The following KALRN variants were observed in gnomAD, a reference collection of about 807,000 sequenced individuals.
The protein encoded by KALRN is kalirin.
Under a neutral mutation model 353.7 loss-of-function variants are expected in KALRN, and 70 were observed. The observed-to-expected ratio is 0.20, with a 90% CI of 0.16 to 0.24. The LOEUF (loss-of-function observed/expected upper bound fraction) is 0.24, where lower values mean the gene tolerates loss of function less well. Among genes scored for constraint, KALRN ranks in the 10% least tolerant of loss-of-function variants. KALRN has a pLI of 1.00. For missense variants in KALRN, 2,791 were observed against 3,756.7 expected (o/e 0.74, Z 6.72); for synonymous variants, 1,391 against 1,434.8 (o/e 0.97, Z 0.69).
At chr3:124,535,415 C>T (rs905319244) in intron 33 of KALRN, among the ~76,000 whole-genome samples, 1 of 152,256 alleles carries the variant, frequency 6.6e-6, no homozygotes, top group Admixed American at 6.5e-5. Context: ...CTTAAGTTTT[C>T]CAAGAGTGCT....
intron 1 of KALRN, among the ~76,000 whole-genome samples, chr3:124,108,455 G>A (rs1021960813): frequency 6.6e-6 from 1 of 152,176 alleles, no homozygotes; most frequent in Admixed American, 6.5e-5. Context: ...GTAGTCATTA[G>A]TACCATTCAT....
intron 51 of KALRN, among the ~76,000 whole-genome samples, chr3:124,688,310 CAAAAAAAA>C (rs59265829): frequency 1.2e-5 from 1 of 83,230 alleles, no homozygotes; most frequent in African/African-American, 4.4e-5. Context: ...GAGACCCTGT[CAAAAAAAA>C]AAAAAAAAAA....
intron 1 of KALRN, among the ~76,000 whole-genome samples, chr3:124,134,510 CAAAGAT>C (rs1342282087): frequency 6.6e-6 from 1 of 152,126 alleles, no homozygotes; most frequent in Non-Finnish European, 1.5e-5. Flanking sequence ...GCAATAAAAA[CAAAGAT>C]AAATATCTGG....
At chr3:124,267,156 G>T (rs2073655427) in intron 4 of KALRN, among the ~76,000 whole-genome samples, 2 of 152,194 alleles carry the variant, frequency 1.3e-5, no homozygotes, top group South Asian at 4.1e-4. Flanking sequence ...ACAGAGATGA[G>T]AGTATAAGCT....
chr3:124,244,233 T>G (rs1434066453), intron 3 of KALRN, among the ~76,000 whole-genome samples: 1 of 152,106 alleles, frequency 6.6e-6, no homozygotes, highest in African/African-American at 2.4e-5. Context: ...CTTCCTATCT[T>G]TTTTTAGAGG....
At chr3:124,659,909 A>T in intron 43 of KALRN, among the ~76,000 whole-genome samples, 1 of 148,558 alleles carries the variant, frequency 6.7e-6, no homozygotes, top group Middle Eastern at 3.6e-3. Context: ...TTTATATATA[A>T]TCAATATATA....
chr3:124,309,450 A>G (rs111357017), intron 6 of KALRN, among the ~76,000 whole-genome samples: 6,669 of 152,268 alleles, frequency 0.044, 201 homozygotes, highest in Middle Eastern at 0.078. Context: ...AGTCCCAGCT[A>G]CTTGTGAGGC....
chr3:124,356,731 GCT>G (rs2083460955), intron 10 of KALRN, among the ~76,000 whole-genome samples: 1 of 152,096 alleles, frequency 6.6e-6, no homozygotes, highest in South Asian at 2.1e-4. Context: ...TTGACATCGT[GCT>G]CTGTTGGTTT....
At chr3:124,219,856 T>C (rs571293077) in intron 1 of KALRN, among the ~76,000 whole-genome samples, 18 of 151,724 alleles carry the variant, frequency 1.2e-4, no homozygotes, top group Non-Finnish European at 2.5e-4. Context: ...GTTGCTGACA[T>C]AAAGCTGCCC....
chr3:124,495,965 G>GTGTGTATA (rs1239001137), intron 32 of KALRN, among the ~76,000 whole-genome samples: 2 of 41,478 alleles, frequency 4.8e-5, no homozygotes, highest in Admixed American at 3.1e-4. Context: ...GTGTATGTAT[G>GTGTGTATA]TATATATATA....
At chr3:124,421,635 T>C (rs904034582) in intron 14 of KALRN, among the ~76,000 whole-genome samples, 1 of 152,180 alleles carries the variant, frequency 6.6e-6, no homozygotes, top group Admixed American at 6.5e-5. Flanking sequence ...TAGTACACTT[T>C]CGGGTAGTCT....
intron 33 of KALRN, among the ~76,000 whole-genome samples, chr3:124,550,472 C>T (rs2070342120): frequency 6.6e-6 from 1 of 152,142 alleles, no homozygotes. Flanking sequence ...ATATGTGCCA[C>T]CTACTGTATG....
At chr3:124,684,254 CT>C (rs1559845064) in intron 51 of KALRN, among the ~76,000 whole-genome samples, 1 of 152,088 alleles carries the variant, frequency 6.6e-6, no homozygotes, top group South Asian at 2.1e-4. Context: ...ATTCCCCCAC[CT>C]ACACCATCCT....
chr3:124,545,931 A>G (rs1225744363), intron 33 of KALRN, among the ~76,000 whole-genome samples: 7 of 152,188 alleles, frequency 4.6e-5, no homozygotes, highest in Admixed American at 3.9e-4. Context: ...AAAGAGATGC[A>G]TTATGGTTGA....
chr3:124,316,989 C>T (rs1161349448), intron 6 of KALRN, among the ~76,000 whole-genome samples: 8 of 152,190 alleles, frequency 5.3e-5, no homozygotes, highest in Non-Finnish European at 1.2e-4. Flanking sequence ...GGGCAGCTGG[C>T]TTCAGATTTA....
At chr3:124,340,854 G>A (rs974681259) in intron 9 of KALRN, among the ~76,000 whole-genome samples, 11 of 152,164 alleles carry the variant, frequency 7.2e-5, no homozygotes, top group Non-Finnish European at 1.0e-4. Context: ...TACTCAGGAG[G>A]CTGAGGCAGG....
intron 32 of KALRN, among the ~76,000 whole-genome samples, chr3:124,495,729 TAAAAAAAA>T (rs1170201040): frequency 6.6e-4 from 45 of 68,240 alleles, no homozygotes; most frequent in Non-Finnish European, 9.1e-4. Context: ...GACTCCATCT[TAAAAAAAA>T]AAAAAAAAAA....
chr3:124,550,319 T>C (rs2070322362), intron 33 of KALRN, among the ~76,000 whole-genome samples: 1 of 152,106 alleles, frequency 6.6e-6, no homozygotes, highest in African/African-American at 2.4e-5. Context: ...AGAGGCCTGG[T>C]ACAGGGTAAG....
chr3:124,100,967 G>A (rs920055274), intron 1 of KALRN, among the ~76,000 whole-genome samples: 1 of 152,142 alleles, frequency 6.6e-6, no homozygotes, highest in Admixed American at 6.5e-5. Flanking sequence ...GAGAGTAAGG[G>A]CAAAAGGAAC....
Sources: gnomAD v4.1 joint callset for allele counts (sites outside exome capture counted in the v4.1 genomes callset) on GRCh38, gnomAD v4.1.1 for gene constraint, MANE v1.5 for transcripts, NCBI Gene and HGNC (gene_info 2026-07-23, HGNC 2026-07-21) for gene names.